Variants in HECW1 observed in about 807,000 individuals in gnomAD.
HECW1 encodes HECT, C2 and WW domain containing E3 ubiquitin protein ligase 1.
Under a neutral mutation model 182.3 loss-of-function variants are expected in HECW1, and 61 were observed. The ratio of observed to expected loss-of-function variants is 0.33; its 90% CI spans 0.27 to 0.41. HECW1 has a LOEUF of 0.41. Ranked by LOEUF, HECW1 falls within the 10% of genes least tolerant of loss-of-function variation. HECW1 has a pLI of 1.00. For missense variants in HECW1, 1,739 were observed against 2,108.9 expected, an observed-to-expected ratio of 0.82 and a Z score of 3.44; for synonymous variants, 859 against 832.6, an observed-to-expected ratio of 1.03 and a Z score of -0.55.
intron 3 of HECW1, among the ~76,000 whole-genome samples, chr7:43,310,743 A>G (rs956450150): frequency 2.0e-5 from 3 of 152,248 alleles, no homozygotes; most frequent in Non-Finnish European, 4.4e-5. Flanking sequence ...ACAAAAAGTC[A>G]ATAATTTGCA....
intron 2 of HECW1, among the ~76,000 whole-genome samples, chr7:43,221,537 GTTTTTTTT>G (rs71008897): frequency 3.4e-4 from 17 of 50,520 alleles, no homozygotes; most frequent in African/African-American, 1.2e-3. Context: ...GAGGAATTAG[GTTTTTTTT>G]TTTTTTTTTT....
At chr7:43,456,194 C>A (rs1220748662) in intron 12 of HECW1, 103 bp from the exon 13 acceptor site, 4 of 1,216,342 alleles carry the variant, frequency 3.3e-6, no homozygotes, top group Non-Finnish European at 4.6e-6. Context: ...AGCCATGAAC[C>A]AATGGTGAGT....
chr7:43,422,483 C>T (rs1312145385), intron 8 of HECW1, among the ~76,000 whole-genome samples: 4 of 151,556 alleles, frequency 2.6e-5, no homozygotes, highest in African/African-American at 9.7e-5. Flanking sequence ...CTACCTCAGC[C>T]TCCCGAGTAG....
At chr7:43,488,468 GAA>G (rs1444092423) in intron 17 of HECW1, among the ~76,000 whole-genome samples, 4 of 147,884 alleles carry the variant, frequency 2.7e-5, no homozygotes, top group South Asian at 2.1e-4. Context: ...AAGAAAGAAA[GAA>G]AGAAAGAAAG....
chr7:43,214,240 T>A (rs374460567), intron 2 of HECW1, among the ~76,000 whole-genome samples: 53 of 152,110 alleles, frequency 3.5e-4, no homozygotes, highest in African/African-American at 1.2e-3. Context: ...TGTACATACA[T>A]GTAAAATTAG....
chr7:43,125,926 G>A (rs79185801), intron 2 of HECW1, among the ~76,000 whole-genome samples: 2,256 of 152,074 alleles, frequency 0.015, 56 homozygotes, highest in African/African-American at 0.052. Context: ...TAAGCTCAAG[G>A]AGACCTTGCT....
chr7:43,218,473 A>C (rs1433408949), intron 2 of HECW1, among the ~76,000 whole-genome samples: 1 of 152,196 alleles, frequency 6.6e-6, no homozygotes, highest in East Asian at 1.9e-4. Context: ...GGTCCTGATA[A>C]CACATTTTGG....
intron 4 of HECW1, among the ~76,000 whole-genome samples, chr7:43,319,433 A>T (rs991367967): frequency 6.7e-6 from 1 of 149,312 alleles, no homozygotes; most frequent in East Asian, 2.0e-4. Context: ...TAGGTTGCAA[A>T]GTGATGAGCA....
At chr7:43,341,583 T>C (rs1389049822) in intron 5 of HECW1, among the ~76,000 whole-genome samples, 1 of 151,846 alleles carries the variant, frequency 6.6e-6, no homozygotes, top group Non-Finnish European at 1.5e-5. Context: ...TAGAGAAGCA[T>C]GAGTTTATCA....
At chr7:43,237,005 T>G (rs1798410252) in intron 2 of HECW1, among the ~76,000 whole-genome samples, 1 of 148,332 alleles carries the variant, frequency 6.7e-6, no homozygotes. Context: ...AAAAACTAAC[T>G]ATACCCAATG....
chr7:43,310,762 G>A (rs986795423), intron 3 of HECW1, among the ~76,000 whole-genome samples: 1 of 152,170 alleles, frequency 6.6e-6, no homozygotes, highest in Non-Finnish European at 1.5e-5. Flanking sequence ...CATTTGATTA[G>A]GTGCATAAGA....
intron 5 of HECW1, among the ~76,000 whole-genome samples, chr7:43,339,444 A>G (rs551798764): frequency 7.2e-5 from 11 of 152,306 alleles, no homozygotes; most frequent in African/African-American, 2.4e-4. Context: ...TCAGTAATAA[A>G]ATCCTCATTT....
chr7:43,162,775 CTGTAATAATAACAT>C (rs552282646), intron 2 of HECW1, among the ~76,000 whole-genome samples: 1 of 152,340 alleles, frequency 6.6e-6, no homozygotes, highest in South Asian at 2.1e-4. Flanking sequence ...TCCCATACTA[CTGTAATAATAACAT>C]TGTAATAATA....
At chr7:43,488,595 C>T (rs999943617) in intron 17 of HECW1, among the ~76,000 whole-genome samples, 9 of 152,204 alleles carry the variant, frequency 5.9e-5, no homozygotes, top group South Asian at 4.1e-4. Context: ...AGACGTCCCT[C>T]GGGATGGATT....
At chr7:43,265,755 G>C (rs752201617) in intron 3 of HECW1, among the ~76,000 whole-genome samples, 2 of 152,116 alleles carry the variant, frequency 1.3e-5, no homozygotes, top group African/African-American at 4.8e-5. Context: ...CCCACTTCAG[G>C]CATCAGCCGA....
chr7:43,131,925 A>T (rs1390246338), intron 2 of HECW1, among the ~76,000 whole-genome samples: 2 of 152,156 alleles, frequency 1.3e-5, no homozygotes, highest in Non-Finnish European at 2.9e-5. Context: ...GAGGATTGAA[A>T]GCTGCATGCT....
In HECW1 at chr7:43,516,070, T is replaced by G. The variant is rs192296173; in HGVS notation, c.4019+6949T>G. The stretch of plus-strand genomic sequence containing the variant: ...CAATTTAAAATAGTGCATCCATTTA[T>G]AATTTTCCAACTTAACATCTTACTT... On this transcript the variant is annotated intron_variant, in intron 24 of 29. Coordinates refer to ENST00000395891, the MANE Select transcript of HECW1 (RefSeq NM_015052.5). Among the ~76,000 whole-genome samples, 23 of 152,392 alleles carry G rather than the reference T, an allele frequency of 1.5e-4. No individual in the cohort carries two copies. The East Asian group carries it at 3.8e-3, about 26-fold the overall frequency.
intron 6 of HECW1, among the ~76,000 whole-genome samples, chr7:43,372,331 T>C (rs1310270977): frequency 6.6e-6 from 1 of 152,226 alleles, no homozygotes; most frequent in African/African-American, 2.4e-5. Context: ...TTTACCTGTT[T>C]ATATTTACTA....
chr7:43,380,500 T>A (rs1315298690), intron 6 of HECW1, among the ~76,000 whole-genome samples: 1 of 152,168 alleles, frequency 6.6e-6, no homozygotes, highest in African/African-American at 2.4e-5. Flanking sequence ...CTGCTATGAA[T>A]ATTTTTATAC....
Sources: gnomAD v4.1 joint callset for allele counts (sites outside exome capture counted in the v4.1 genomes callset) on GRCh38, gnomAD v4.1.1 for gene constraint, MANE v1.5 for transcripts, NCBI Gene and HGNC (gene_info 2026-07-23, HGNC 2026-07-21) for gene names.